The following DCDC2 variants were observed in gnomAD, a reference collection of about 807,000 sequenced individuals.
The protein encoded by DCDC2 is doublecortin domain containing 2.
Under a neutral mutation model 50.2 loss-of-function variants are expected in DCDC2, and 40 were observed. That is an observed-to-expected ratio of 0.80 (90% CI 0.62 to 1.04). DCDC2 has a LOEUF of 1.04. Among genes scored for constraint, DCDC2 ranks in the 50% least tolerant of loss-of-function variants. DCDC2 has a pLI of 0.00. For missense variants in DCDC2, 570 were observed against 581.9 expected, an observed-to-expected ratio of 0.98 and a Z score of 0.21; for synonymous variants, 234 against 210.6, an observed-to-expected ratio of 1.11 and a Z score of -0.96.
chr6:24,319,030 T>C (rs759858515), intron 2 of DCDC2, among the ~76,000 whole-genome samples: 15 of 152,216 alleles, frequency 9.9e-5, no homozygotes, highest in Non-Finnish European at 1.9e-4. Flanking sequence ...GCAGTTGTAC[T>C]AATTTACATT....
intron 7 of DCDC2, among the ~76,000 whole-genome samples, chr6:24,233,875 T>G (rs1029038112): frequency 1.3e-5 from 2 of 152,240 alleles, no homozygotes; most frequent in Non-Finnish European, 2.9e-5. Context: ...GATGATTATG[T>G]GCATTTAAGT....
chr6:24,288,647 T>C (rs1763670526), intron 6 of DCDC2, among the ~76,000 whole-genome samples: 1 of 152,112 alleles, frequency 6.6e-6, no homozygotes. Flanking sequence ...AAGGAAAAAA[T>C]TTTAAAATAC....
intron 7 of DCDC2, among the ~76,000 whole-genome samples, chr6:24,214,026 G>A (rs1581590566): frequency 1.3e-5 from 2 of 152,126 alleles, no homozygotes; most frequent in East Asian, 3.9e-4. Flanking sequence ...CAGCTCAAAT[G>A]GAAGCTCTTT....
At chr6:24,195,351 C>A (rs546108793) in intron 8 of DCDC2, among the ~76,000 whole-genome samples, 2 of 152,290 alleles carry the variant, frequency 1.3e-5, no homozygotes, top group South Asian at 4.1e-4. Context: ...GCTTAGGGAA[C>A]CCAAACTCTT....
intron 7 of DCDC2, among the ~76,000 whole-genome samples, chr6:24,221,089 C>T (rs578234715): frequency 6.6e-6 from 1 of 152,236 alleles, no homozygotes; most frequent in East Asian, 1.9e-4. Flanking sequence ...CAAGCCATAT[C>T]ATCCACACTG....
intron 4 of DCDC2, among the ~76,000 whole-genome samples, chr6:24,296,648 C>A (rs1369724067): frequency 6.6e-6 from 1 of 152,186 alleles, no homozygotes. Context: ...AAAAAGTGGG[C>A]AAAGGACATG....
the DCDC2 span, among the ~76,000 whole-genome samples, chr6:24,382,227 C>T: frequency 2.0e-5 from 3 of 151,992 alleles, no homozygotes; most frequent in Non-Finnish European, 4.4e-5. Flanking sequence ...AAAATTGTTG[C>T]TCATTTTCTT....
chr6:24,215,325 G>A (rs973840856), intron 7 of DCDC2, among the ~76,000 whole-genome samples: 2 of 152,142 alleles, frequency 1.3e-5, no homozygotes, highest in African/African-American at 4.8e-5. Context: ...AGGAGTGGCT[G>A]GGTATAAGGC....
chr6:24,223,672 A>G (rs1283950241), intron 7 of DCDC2, among the ~76,000 whole-genome samples: 1 of 152,250 alleles, frequency 6.6e-6, no homozygotes, highest in Non-Finnish European at 1.5e-5. Context: ...ACCTCTTTGA[A>G]TTTCTTAGCT....
chr6:24,199,073 T>C (rs1026602830), intron 8 of DCDC2, among the ~76,000 whole-genome samples: 1 of 152,210 alleles, frequency 6.6e-6, no homozygotes, highest in African/African-American at 2.4e-5. Flanking sequence ...GCAGCGGCTG[T>C]GGGCACAACT....
chr6:24,326,623 G>A (rs7766737), intron 2 of DCDC2, among the ~76,000 whole-genome samples: 43,626 of 148,364 alleles, frequency 0.29, 9,176 homozygotes, highest in African/African-American at 0.48. Flanking sequence ...TTGGGAGGCC[G>A]AGGCATGTGG....
chr6:24,240,958 A>T (rs1297379502), intron 7 of DCDC2, among the ~76,000 whole-genome samples: 2 of 152,232 alleles, frequency 1.3e-5, no homozygotes, highest in African/African-American at 4.8e-5. Context: ...AAAGTGTCTG[A>T]TACTGATATC....
intron 2 of DCDC2, among the ~76,000 whole-genome samples, chr6:24,310,474 ACTC>A (rs2113844695): frequency 6.6e-6 from 1 of 152,016 alleles, no homozygotes; most frequent in Admixed American, 6.6e-5. Flanking sequence ...TATACCAACA[ACTC>A]CTCCTCCTTG....
rs1384792110 is a variant in DCDC2, at chr6:24,301,732, C to T, written c.540G>A (p.Arg180=). The T allele has an allele frequency of 1.2e-6, 2 of 1,614,144 alleles. No homozygotes were observed. Among genetic ancestry groups the T allele is most frequent in the East Asian group, 4.5e-5 (2 of 44,876 alleles). Residue 180 remains arginine, a synonymous_variant, in exon 4 of 10, where the codon AGG becomes AGA. Coordinates refer to ENST00000378454, the MANE Select transcript of DCDC2 (RefSeq NM_016356.5). ...TGACATACCTGTGAACAGCCCCGCT[C>T]CTCAGAGTGATTTTTTCTGTGACCA... ...LQMVTEKITL[R]SGAVHRLYTL...
At chr6:24,358,738 A>G (rs1370476080), upstream of DCDC2, among the ~76,000 whole-genome samples, 1 of 6,534 alleles carries the variant, frequency 1.5e-4, no homozygotes, top group African/African-American at 3.5e-4. Context: ...TATTTTATAT[A>G]TATTTTATTT....
At chr6:24,341,686 CA>C (rs1397460315) in intron 2 of DCDC2, among the ~76,000 whole-genome samples, 1 of 152,118 alleles carries the variant, frequency 6.6e-6, no homozygotes, top group Non-Finnish European at 1.5e-5. Flanking sequence ...TACTTTCCCA[CA>C]AACCTTAACC....
chr6:24,279,548 T>G lies in DCDC2; in HGVS notation c.760-1337A>C, dbSNP rs548250029. Among the ~76,000 whole-genome samples the G allele has an allele frequency of 3.3e-5, 5 of 152,212 alleles. No individual in the cohort carries two copies. The South Asian group carries it at 1.0e-3, about 32-fold the overall frequency. On this transcript the variant is annotated intron_variant, in intron 6 of 9. Transcript: ENST00000378454. ...GTGTGCTGTGATCACACCACTGTAC[T>G]CCAGCCTGGGCAACAAAGTGAGACC...
chr6:24,222,566 T>C (rs1762143008), intron 7 of DCDC2, among the ~76,000 whole-genome samples: 1 of 152,236 alleles, frequency 6.6e-6, no homozygotes, highest in Admixed American at 6.5e-5. Context: ...GGGTATAACA[T>C]GCACTAATAC....
rs556697011 is a variant in DCDC2 at position 24,269,068 on chromosome 6, T to A, written c.922+8981A>T. ...ATGGTGATTTGCAATAAAGGTTATA[T>A]CTTATTTTGAAAATAACTAGGGCAA... On this transcript the variant is annotated intron_variant, in intron 7 of 9. Coordinates refer to ENST00000378454, the MANE Select transcript of DCDC2 (RefSeq NM_016356.5). Among the ~76,000 whole-genome samples the A allele has an allele frequency of 5.9e-5, 9 of 152,342 alleles. No individual in the cohort carries two copies. The South Asian group carries it at 1.7e-3, about 28-fold the overall frequency.
Sources: allele counts gnomAD v4.1 joint callset (sites outside exome capture counted in the v4.1 genomes callset), GRCh38; gene constraint gnomAD v4.1.1; transcripts MANE v1.5; gene names NCBI Gene and HGNC (gene_info 2026-07-23, HGNC 2026-07-21).